The following NPFFR2 variants were observed in gnomAD, a reference collection of about 807,000 sequenced individuals.
The protein encoded by NPFFR2 is G-protein coupled receptor 74.
NPFFR2 carries 15 observed loss-of-function variants against 13.1 expected under a neutral mutation model. That is an observed-to-expected ratio of 1.15 (90% CI 0.77 to 1.76). The LOEUF (loss-of-function observed/expected upper bound fraction) is 1.76. Among genes scored for constraint, NPFFR2 ranks in the 40% most tolerant of loss-of-function variants. NPFFR2 has a pLI of 0.00. For missense variants in NPFFR2, 572 were observed against 503.5 expected (o/e 1.14, Z -1.30); for synonymous variants, 190 against 175.7 (o/e 1.08, Z -0.65).
At chr4:72,067,800 A>T (rs759946559) in intron 1 of NPFFR2, among the ~76,000 whole-genome samples, 1 of 152,222 alleles carries the variant, frequency 6.6e-6, no homozygotes, top group Non-Finnish European at 1.5e-5. Context: ...TTTTCACTTT[A>T]TAATGAGGAC....
At chr4:72,064,965 C>A (rs905106054) in intron 1 of NPFFR2, among the ~76,000 whole-genome samples, 1 of 151,932 alleles carries the variant, frequency 6.6e-6, no homozygotes, top group African/African-American at 2.4e-5. Flanking sequence ...TGCAGCCTAA[C>A]CTGACTGCCA....
chr4:72,132,675 T>C (rs1316535276), intron 2 of NPFFR2, among the ~76,000 whole-genome samples: 1 of 152,218 alleles, frequency 6.6e-6, no homozygotes, highest in Admixed American at 6.5e-5. Context: ...TTTTTGACTT[T>C]TTAATAGTAG....
At chr4:72,039,497 CTT>C (rs1301757334) in intron 1 of NPFFR2, 1 of 548,808 alleles carries the variant, frequency 1.8e-6, no homozygotes. Flanking sequence ...TCAAATCAAT[CTT>C]TTTGTCATCA....
At chr4:72,137,999 A>C (rs1722470108) in intron 2 of NPFFR2, 41 bp from the exon 3 acceptor site, 1 of 1,468,436 alleles carries the variant, frequency 6.8e-7, no homozygotes, top group Non-Finnish European at 9.5e-7. Context: ...TGAGATTTTG[A>C]AAATATGATC....
intron 1 of NPFFR2, among the ~76,000 whole-genome samples, chr4:72,041,649 C>T (rs925772155): frequency 5.3e-5 from 8 of 152,188 alleles, no homozygotes; most frequent in South Asian, 4.1e-4. Context: ...TCCACAACCT[C>T]GTCAGCATCT....
intron 1 of NPFFR2, among the ~76,000 whole-genome samples, chr4:72,067,284 A>C (rs1720103121): frequency 6.6e-6 from 1 of 151,764 alleles, no homozygotes; most frequent in South Asian, 2.1e-4. Flanking sequence ...ACTGTACCAG[A>C]ATATGGAAAG....
chr4:72,053,292 T>C (rs1719643889), intron 1 of NPFFR2, among the ~76,000 whole-genome samples: 1 of 151,668 alleles, frequency 6.6e-6, no homozygotes, highest in South Asian at 2.1e-4. Flanking sequence ...ATCTCCAGGC[T>C]ATGTGGAGAA....
Position 72,076,753 on chromosome 4 carries a change from A to G in NPFFR2, c.-8+44553A>G, listed in dbSNP as rs1026946188. 4.6e-5 allele frequency among the ~76,000 whole-genome samples: 7 copies of G among 152,124 alleles called. No individual in the cohort carries two copies. In the South Asian group the frequency reaches 1.4e-3, roughly 31 times the overall value. On this transcript the variant is annotated intron_variant, in intron 1 of 3. Transcript: ENST00000308744. The stretch of plus-strand genomic sequence containing the variant: ...GCACAAATACAACCTAATGTAGCCA[A>G]GTCCTGAGAGAGCAAGCAAATTCAT...
chr4:72,131,170 G>C (rs1240286888), intron 2 of NPFFR2, among the ~76,000 whole-genome samples: 1 of 151,982 alleles, frequency 6.6e-6, no homozygotes, highest in African/African-American at 2.4e-5. Flanking sequence ...TGGCAGGGCA[G>C]GATGGTTTTG....
chr4:72,060,425 G>A (rs4694455), intron 1 of NPFFR2, among the ~76,000 whole-genome samples: 2,925 of 152,042 alleles, frequency 0.019, 269 homozygotes, highest in Admixed American at 0.16. Flanking sequence ...CAAGGATGCT[G>A]GCATTTCACT....
chr4:72,096,169 C>A (rs1173351398), intron 1 of NPFFR2, among the ~76,000 whole-genome samples: 2 of 151,980 alleles, frequency 1.3e-5, no homozygotes, highest in East Asian at 3.9e-4. Flanking sequence ...TGATAAATGC[C>A]AGCAAAATAT....
At chr4:72,033,437 A>G (rs1328332156) in intron 1 of NPFFR2, among the ~76,000 whole-genome samples, 1 of 14,080 alleles carries the variant, frequency 7.1e-5, no homozygotes, top group Non-Finnish European at 1.2e-4. Context: ...CAGACTGGCT[A>G]TTGTAATAAT....
At position 72,147,678 on chromosome 4, in the gene NPFFR2, A is replaced by G. The variant is rs1287987826; in HGVS notation, c.1129A>G (p.Asn377Asp). ...AAGCCATGTGCTCATAAACACATCT[A>G]ATCAGCTTGTCCAGGAATCTACATT... ...AKSHVLINTS[N>D]QLVQESTFQN... The change falls in exon 4 of 4, where the codon AAT (asparagine) becomes GAT (aspartate). Residue 377 changes from asparagine (N) to aspartate (D), a missense_variant. Transcript: ENST00000308744. The G allele has an allele frequency of 2.5e-6, 4 of 1,614,042 alleles. No individual in the cohort carries two copies. The African/African-American group carries it at 4.0e-5, about 16-fold the overall frequency.
At chr4:72,077,656 A>C (rs58957401) in intron 1 of NPFFR2, among the ~76,000 whole-genome samples, 1 of 152,092 alleles carries the variant, frequency 6.6e-6, no homozygotes, top group Non-Finnish European at 1.5e-5. Flanking sequence ...ACAGGCACCC[A>C]CTGAAAGTCC....
At chr4:72,141,619 G>C (rs1291809515) in intron 3 of NPFFR2, among the ~76,000 whole-genome samples, 1 of 152,188 alleles carries the variant, frequency 6.6e-6, no homozygotes, top group Non-Finnish European at 1.5e-5. Flanking sequence ...ACTGTGGTCT[G>C]AGTGACAGTT....
rs190756980 is a variant in NPFFR2, at chr4:72,141,128, G to A, written c.428+2989G>A. ...ATATCCCCTTTATCATTTTTATTGC[G>A]TCTATTTGATTCTTCTCTCTTTTCT... On this transcript the variant is annotated intron_variant, in intron 3 of 3. Transcript: ENST00000308744. 1.7e-3 allele frequency among the ~76,000 whole-genome samples: 257 copies of A among 151,250 alleles called. 1 individual carries two copies. Among genetic ancestry groups the A allele is most frequent in the African/African-American group, 5.3e-3 (217 of 41,180 alleles).
intron 1 of NPFFR2, among the ~76,000 whole-genome samples, chr4:72,049,121 T>G (rs1719468529): frequency 6.6e-6 from 1 of 152,138 alleles, no homozygotes; most frequent in African/African-American, 2.4e-5. Context: ...TTGGATTGTT[T>G]TATCTGAAAG....
intron 1 of NPFFR2, among the ~76,000 whole-genome samples, chr4:72,054,152 G>A (rs1414398216): frequency 1.3e-5 from 2 of 151,798 alleles, no homozygotes; most frequent in Admixed American, 1.3e-4. Flanking sequence ...AGCTATTAAT[G>A]TATATGGAAA....
chr4:72,118,595 C>CACGT (rs1721778641), intron 1 of NPFFR2, among the ~76,000 whole-genome samples: 1 of 152,006 alleles, frequency 6.6e-6, no homozygotes, highest in South Asian at 2.1e-4. Context: ...AGAAGACATG[C>CACGT]ACGTACCTTT....
Sources: gnomAD v4.1 joint callset for allele counts (sites outside exome capture counted in the v4.1 genomes callset) on GRCh38, gnomAD v4.1.1 for gene constraint, MANE v1.5 for transcripts, NCBI Gene and HGNC (gene_info 2026-07-23, HGNC 2026-07-21) for gene names.